TMEM145: variants seen among roughly 807,000 people sequenced by gnomAD.
TMEM145 encodes transmembrane protein 145.
In TMEM145, 46 loss-of-function variants were observed where a neutral mutation model predicts 68.5. That is an observed-to-expected ratio of 0.67 (90% CI 0.53 to 0.86). The LOEUF (loss-of-function observed/expected upper bound fraction) is 0.86. Ranked by LOEUF, TMEM145 falls within the 40% of genes least tolerant of loss-of-function variation. TMEM145 has a pLI of 0.00. For synonymous variants in TMEM145, 255 were observed against 280.2 expected, an observed-to-expected ratio of 0.91 and a Z score of 0.90; for missense variants, 570 against 645.8, an observed-to-expected ratio of 0.88 and a Z score of 1.27.
chr19:42,316,388 G>T, intron 8 of TMEM145, 93 bp from the exon 9 acceptor site: 1 of 1,214,232 alleles, frequency 8.2e-7, no homozygotes, highest in Non-Finnish European at 1.2e-6. Context: ...AAGGGAGGAG[G>T]CGGGATTCAG....
chr19:42,320,544 AT>A lies in TMEM145; in HGVS notation c.1194+111del. Reference sequence around the variant, plus strand: ...ACCTCCTGTTCTGAGGTCTTGATCCATTTTCCTTTTAGTCATTCTCCCTTTA... The same window carrying A: ...ACCTCCTGTTCTGAGGTCTTGATCCATTTCCTTTTAGTCATTCTCCCTTTA... On this transcript the variant is annotated intron_variant, in intron 13 of 14. Transcript: ENST00000301204. The A allele has an allele frequency of 2.6e-6, 4 of 1,523,910 alleles. No individual in the cohort carries two copies. In the South Asian group the frequency reaches 3.5e-5, roughly 13 times the overall value. 94.4% of individuals were successfully genotyped at this position (1,523,910 alleles called of 1,614,324 possible).
chr19:42,324,714 G>A, intron 14 of TMEM145, 23 bp from the exon 15 acceptor site: 5 of 1,450,458 alleles, frequency 3.4e-6, no homozygotes, highest in Non-Finnish European at 2.7e-6. Context: ...CGCGGGAGCC[G>A]CTCTCCCCGT....
Position 42,313,584 on chromosome 19 carries a change from C to T in TMEM145, c.120+88C>T. ...GGAGCGGGTACCGCCTCGCCCCCTG[C>T]CGCCCCTCCTGGCGGACTCCGGGAG... On this transcript the variant is annotated intron_variant, in intron 1 of 14. Transcript: ENST00000301204. The surrounding 1 kb of genome is among the most constrained non-coding windows in gnomAD (Gnocchi z 5.1). 2 of 1,056,408 alleles carry T rather than the reference C, an allele frequency of 1.9e-6. No homozygotes were observed. The highest frequency in any genetic ancestry group is 1.7e-5 in the African/African-American group (1 of 60,376). The allele number at this position is 1,056,408 out of a possible 1,614,324, so 65.4% of individuals were successfully genotyped here.
At chr19:42,323,872 C>A in intron 14 of TMEM145, 83 bp downstream of exon 14, 2 of 1,273,006 alleles carry the variant, frequency 1.6e-6, no homozygotes, top group Non-Finnish European at 2.2e-6. Flanking sequence ...CCGCCGCCGC[C>A]CCCAGCGCCC....
At chr19:42,318,011 C>T (rs2038876160) in intron 12 of TMEM145, 130 bp downstream of exon 12, 2 of 988,224 alleles carry the variant, frequency 2.0e-6, no homozygotes, top group Admixed American at 4.8e-5. Context: ...TGCCCAGAAT[C>T]TGCCACTTAC....
intron 13 of TMEM145, chr19:42,321,715 G>A: frequency 6.6e-6 from 1 of 152,174 alleles, no homozygotes; most frequent in East Asian, 1.9e-4. Context: ...TCTTTGCCCT[G>A]GTTCACATCC....
At chr19:42,314,409 A>AGGTGAAG (rs1158633418) in intron 2 of TMEM145, 42 bp from the exon 3 acceptor site, 9 of 1,613,912 alleles carry the variant, frequency 5.6e-6, no homozygotes, top group Non-Finnish European at 7.6e-6. Context: ...CCAAAGGCAC[A>AGGTGAAG]GGCTGCCCCA....
At position 42,315,354 on chromosome 19, in the gene TMEM145, C is replaced by G; in HGVS notation, c.578-18C>G. ...CCCTTTCTGCCTGTGGACAGCCTTT[C>G]CCTACCTTGCTTCCTAGATTTGCTG... On this transcript the variant is annotated intron_variant, in intron 7 of 14. Transcript: ENST00000301204. The G allele has an allele frequency of 6.2e-7, 1 of 1,614,184 alleles. No individual in the cohort carries two copies. Among genetic ancestry groups the G allele is most frequent in the East Asian group, 2.2e-5 (1 of 44,890 alleles).
rs1199970524 is a variant in TMEM145, at chr19:42,321,224, CAT to C, written c.1194+788_1194+789del. The C allele has an allele frequency of 5.0e-5, 20 of 396,474 alleles. No homozygotes were observed. In the Admixed American group the frequency reaches 8.0e-4, roughly 16 times the overall value. The allele number at this position is 396,474 out of a possible 1,614,324, so 24.6% of individuals were successfully genotyped here. ...TCGGCAACAGGAGGGTACAGCACCA[CAT>C]CTTTTTTTTTTTTTTTTGAGACGGA... On this transcript the variant is annotated intron_variant, in intron 13 of 14. Coordinates refer to ENST00000301204, the MANE Select transcript of TMEM145 (RefSeq NM_173633.3).
intron 12 of TMEM145, among the ~76,000 whole-genome samples, chr19:42,319,164 A>G (rs567811418): frequency 1.1e-3 from 171 of 152,314 alleles, no homozygotes; most frequent in African/African-American, 3.9e-3. Flanking sequence ...TCACCATAAC[A>G]TAGCAATAAG....
chr19:42,317,664 AG>A (rs754385988), intron 11 of TMEM145, 44 bp from the exon 12 acceptor site: 22 of 1,607,858 alleles, frequency 1.4e-5, no homozygotes, highest in Non-Finnish European at 1.9e-5. Flanking sequence ...ACCCTAATAG[AG>A]GGGAGGAGGC....
Position 42,313,594 on chromosome 19 carries a change from T to A in TMEM145, c.120+98T>A, listed in dbSNP as rs1460146769. The A allele has an allele frequency of 3.1e-6, 3 of 979,434 alleles. No homozygotes were observed. Among genetic ancestry groups the A allele is most frequent in the Non-Finnish European group, 4.0e-6 (3 of 754,280 alleles). 60.7% of individuals were successfully genotyped at this position (979,434 alleles called of 1,614,324 possible). On this transcript the variant is annotated intron_variant, in intron 1 of 14. Transcript: ENST00000301204. This position sits in a 1 kb window ranked among gnomAD's most constrained non-coding sequence, Gnocchi z 5.1. ...CCGCCTCGCCCCCTGCCGCCCCTCC[T>A]GGCGGACTCCGGGAGCCTCGGGGGA...
chr19:42,320,185 A>G, intron 12 of TMEM145, 132 bp from the exon 13 acceptor site: 1 of 1,238,020 alleles, frequency 8.1e-7, no homozygotes, highest in Non-Finnish European at 1.1e-6. Flanking sequence ...TGGCTTCTGA[A>G]GGTCACACTG....
intron 14 of TMEM145, 100 bp downstream of exon 14, chr19:42,323,889 C>G: frequency 9.4e-7 from 1 of 1,061,218 alleles, no homozygotes; most frequent in Non-Finnish European, 1.4e-6. Context: ...GCCCGGACCC[C>G]TGAGCCCTCC....
chr19:42,324,527 G>C, intron 14 of TMEM145: 2 of 985,298 alleles, frequency 2.0e-6, no homozygotes, highest in Non-Finnish European at 2.4e-6. Flanking sequence ...CCCGGTCTGA[G>C]CACCCCTGCC....
intron 13 of TMEM145, among the ~76,000 whole-genome samples, chr19:42,322,095 C>T (rs544896608): frequency 3.3e-5 from 5 of 152,312 alleles, no homozygotes; most frequent in South Asian, 2.1e-4. Flanking sequence ...GGATCTACAA[C>T]GTACCCCGTG....
intron 1 of TMEM145, among the ~76,000 whole-genome samples, chr19:42,314,067 G>C (rs376416748): frequency 1.3e-5 from 2 of 151,988 alleles, no homozygotes; most frequent in Non-Finnish European, 1.5e-5. Context: ...GGAAACTTGG[G>C]GGGGCAATGG....
intron 13 of TMEM145, chr19:42,321,183 C>G (rs377543021): frequency 2.5e-6 from 1 of 398,496 alleles, no homozygotes; most frequent in South Asian, 1.3e-4. Flanking sequence ...CAGGGTGAAG[C>G]TTTTGGGCTC....
intron 12 of TMEM145, among the ~76,000 whole-genome samples, chr19:42,319,152 G>A (rs779176643): frequency 4.6e-5 from 7 of 152,044 alleles, no homozygotes; most frequent in Non-Finnish European, 7.3e-5. Context: ...AATTATTATC[G>A]TTCACCATAA....
Sources: gnomAD v4.1 joint callset for allele counts (sites outside exome capture counted in the v4.1 genomes callset) on GRCh38, gnomAD v4.1.1 for gene constraint, Gnocchi (gnomAD v3.1) non-coding constraint, MANE v1.5 for transcripts, NCBI Gene and HGNC (gene_info 2026-07-23, HGNC 2026-07-21) for gene names.